GRM3: variants seen among roughly 807,000 people sequenced by gnomAD.
GRM3 encodes metabotropic glutamate receptor 3.
In GRM3, 26 loss-of-function variants were observed where a neutral mutation model predicts 70.5. The ratio of observed to expected loss-of-function variants is 0.37; its 90% CI spans 0.27 to 0.51. GRM3 has a LOEUF of 0.51. GRM3 is among the 20% of genes least tolerant of loss of function. The pLI, the probability that GRM3 is intolerant of heterozygous loss-of-function variation, is 0.93. For synonymous variants in GRM3, 443 were observed against 434.9 expected (o/e 1.02, Z -0.23); for missense variants, 859 against 1,123.8 (o/e 0.76, Z 3.37).
At chr7:86,777,171 G>A (rs983157872) in intron 2 of GRM3, among the ~76,000 whole-genome samples, 17 of 152,262 alleles carry the variant, frequency 1.1e-4, no homozygotes, top group African/African-American at 3.9e-4. Context: ...GATAGGATTC[G>A]AGGAATCCTT....
chr7:86,707,611 G>C (rs935731085), intron 1 of GRM3, among the ~76,000 whole-genome samples: 3 of 152,100 alleles, frequency 2.0e-5, no homozygotes, highest in Non-Finnish European at 4.4e-5. Context: ...GGGAACAAAA[G>C]AGCAAAGTGG....
At chr7:86,714,273 G>A (rs910723721) in intron 1 of GRM3, among the ~76,000 whole-genome samples, 5 of 151,964 alleles carry the variant, frequency 3.3e-5, no homozygotes, top group African/African-American at 1.2e-4. Context: ...AATTTCATGT[G>A]ATGTAACTAT....
chr7:86,860,083 A>G (rs2115611612), intron 5 of GRM3, among the ~76,000 whole-genome samples: 1 of 152,312 alleles, frequency 6.6e-6, no homozygotes, highest in South Asian at 2.1e-4. Context: ...AGTCCCAGGA[A>G]AGCCAAAAAT....
intron 3 of GRM3, among the ~76,000 whole-genome samples, chr7:86,796,061 G>A (rs1351370201): frequency 2.0e-5 from 3 of 152,140 alleles, no homozygotes; most frequent in South Asian, 2.1e-4. Flanking sequence ...AATCTCTTTA[G>A]TTTAATTAGA....
intron 3 of GRM3, among the ~76,000 whole-genome samples, chr7:86,794,152 T>G (rs1171579884): frequency 2.0e-5 from 3 of 152,162 alleles, no homozygotes; most frequent in Non-Finnish European, 4.4e-5. Context: ...GCTTGTATTA[T>G]CCCAACAAGA....
chr7:86,838,239 TATTAA>T (rs934520328), intron 3 of GRM3, among the ~76,000 whole-genome samples: 3 of 152,338 alleles, frequency 2.0e-5, no homozygotes, highest in Admixed American at 6.5e-5. Context: ...TTAATGTCAA[TATTAA>T]ATTTAATATC....
intron 3 of GRM3, among the ~76,000 whole-genome samples, chr7:86,836,128 A>C (rs1798451647): frequency 6.6e-6 from 1 of 152,206 alleles, no homozygotes; most frequent in Admixed American, 6.5e-5. Context: ...AAGGTTAGTA[A>C]GATTGTGGAG....
intron 2 of GRM3, among the ~76,000 whole-genome samples, chr7:86,766,882 C>T (rs1264838833): frequency 6.6e-6 from 1 of 152,010 alleles, no homozygotes; most frequent in Non-Finnish European, 1.5e-5. Context: ...GTTGGAATAA[C>T]CTTCTTTCTC....
chr7:86,723,122 A>G (rs1795510961), intron 1 of GRM3, among the ~76,000 whole-genome samples: 1 of 152,102 alleles, frequency 6.6e-6, no homozygotes, highest in South Asian at 2.1e-4. Flanking sequence ...GATAATATAG[A>G]AACTGTATTT....
chr7:86,658,833 G>T, intron 1 of GRM3, among the ~76,000 whole-genome samples: 1 of 150,162 alleles, frequency 6.7e-6, no homozygotes. Context: ...CCAAGTCAGA[G>T]TCAGTACCCT....
intron 3 of GRM3, among the ~76,000 whole-genome samples, chr7:86,804,040 G>A (rs954329435): frequency 1.3e-5 from 2 of 152,004 alleles, no homozygotes; most frequent in Non-Finnish European, 2.9e-5. Context: ...ACTCAACTAC[G>A]GTCAAAGAAA....
chr7:86,857,131 G>T (rs934236764), intron 5 of GRM3, among the ~76,000 whole-genome samples: 4 of 142,608 alleles, frequency 2.8e-5, no homozygotes, highest in African/African-American at 7.7e-5. Context: ...AAATTCAATG[G>T]TTTTTTTTTT....
At position 86,820,061 on chromosome 7, in the gene GRM3, A is replaced by T. The variant is rs547715455; in HGVS notation, c.1325-18778A>T. ...TATGAATTCAGACTTTTACAAATTG[A>T]ACCCATACTTGACCTCTTACAGTGA... On this transcript the variant is annotated intron_variant, in intron 3 of 5. Coordinates refer to ENST00000361669, the MANE Select transcript of GRM3 (RefSeq NM_000840.3). Among the ~76,000 whole-genome samples, 27 of 152,282 alleles carry T rather than the reference A, an allele frequency of 1.8e-4. No individual in the cohort carries two copies. The South Asian group carries it at 1.9e-3, about 11-fold the overall frequency.
intron 1 of GRM3, among the ~76,000 whole-genome samples, chr7:86,745,137 G>C (rs2116335683): frequency 6.6e-6 from 1 of 152,106 alleles, no homozygotes; most frequent in Middle Eastern, 3.4e-3. Context: ...TTTTCCAGTT[G>C]GCTTTGTTAA....
Position 86,734,811 on chromosome 7 carries a change from C to T in GRM3, c.-140-30195C>T, listed in dbSNP as rs547483233. Among the ~76,000 whole-genome samples the T allele has an allele frequency of 3.3e-5, 5 of 152,134 alleles. No homozygotes were observed. In the South Asian group the frequency reaches 1.0e-3, roughly 32 times the overall value. On this transcript the variant is annotated intron_variant, in intron 1 of 5. Transcript: ENST00000361669. ...CTTCCATAGTCCCCTCCTCATCCTC[C>T]TCTATATTCCCCCTTCATCACATAC...
chr7:86,840,553 G>A (rs1256041309), intron 4 of GRM3, among the ~76,000 whole-genome samples: 1 of 151,972 alleles, frequency 6.6e-6, no homozygotes, highest in Non-Finnish European at 1.5e-5. Flanking sequence ...GTAATATACA[G>A]TTCAAATTTA....
chr7:86,787,251 C>T lies in GRM3; in HGVS notation c.1324+135C>T, dbSNP rs189962390. 368 of 722,440 alleles carry T rather than the reference C, an allele frequency of 5.1e-4. 2 individuals are homozygous for T. In the East Asian group the frequency reaches 8.5e-3, roughly 17 times the overall value. The allele number at this position is 722,440 out of a possible 1,614,324, so 44.8% of individuals were successfully genotyped here. On this transcript the variant is annotated intron_variant, in intron 3 of 5. Transcript: ENST00000361669. The stretch of plus-strand genomic sequence containing the variant: ...GGGTTCAAACTGTTAACCAAATATT[C>T]CAGGATGCAATAGGATGGTTCTCTA...
At chr7:86,665,255 C>T (rs924775055) in intron 1 of GRM3, among the ~76,000 whole-genome samples, 10 of 152,034 alleles carry the variant, frequency 6.6e-5, no homozygotes, top group Admixed American at 2.6e-4. Flanking sequence ...AATTCTATCA[C>T]TTATAAGCTA....
At chr7:86,766,874 T>G (rs757407539) in intron 2 of GRM3, among the ~76,000 whole-genome samples, 5 of 152,242 alleles carry the variant, frequency 3.3e-5, no homozygotes, top group Non-Finnish European at 5.9e-5. Flanking sequence ...ATATTTGCGT[T>G]GGAATAACCT....
Sources: gnomAD v4.1 joint callset for allele counts (sites outside exome capture counted in the v4.1 genomes callset) on GRCh38, gnomAD v4.1.1 for gene constraint, MANE v1.5 for transcripts, NCBI Gene and HGNC (gene_info 2026-07-23, HGNC 2026-07-21) for gene names.